The following ZCCHC7 variants were observed in gnomAD, a reference collection of about 807,000 sequenced individuals.
The protein encoded by ZCCHC7 is zinc finger CCHC-type containing 7, also known as zinc finger CCHC domain-containing protein 7.
Under a neutral mutation model 52.0 loss-of-function variants are expected in ZCCHC7, and 35 were observed. The observed-to-expected ratio is 0.67, with a 90% CI of 0.51 to 0.89. The LOEUF (loss-of-function observed/expected upper bound fraction) is 0.89, where lower values mean the gene tolerates loss of function less well. Ranked by LOEUF, ZCCHC7 falls within the 40% of genes least tolerant of loss-of-function variation. The pLI, the probability that ZCCHC7 is intolerant of heterozygous loss-of-function variation, is 0.00. For synonymous variants in ZCCHC7, 217 were observed against 221.5 expected, an observed-to-expected ratio of 0.98 and a Z score of 0.18; for missense variants, 574 against 649.1, an observed-to-expected ratio of 0.88 and a Z score of 1.26.
chr9:37,240,656 G>A (rs1825834869), intron 2 of ZCCHC7, among the ~76,000 whole-genome samples: 1 of 151,896 alleles, frequency 6.6e-6, no homozygotes, highest in Non-Finnish European at 1.5e-5. Context: ...TTTAAATAGG[G>A]AAAATCTGAC....
intron 2 of ZCCHC7, among the ~76,000 whole-genome samples, chr9:37,298,835 A>T (rs535869742): frequency 6.6e-6 from 1 of 152,226 alleles, no homozygotes; most frequent in Non-Finnish European, 1.5e-5. Context: ...TCTCCCTAAA[A>T]TTGAGGTATT....
intron 5 of ZCCHC7, among the ~76,000 whole-genome samples, chr9:37,317,036 G>A (rs983783067): frequency 6.6e-6 from 1 of 152,102 alleles, no homozygotes; most frequent in Non-Finnish European, 1.5e-5. Flanking sequence ...CAGATAATGT[G>A]AATAGAGAAG....
chr9:37,176,821 C>T (rs939082940), intron 2 of ZCCHC7, among the ~76,000 whole-genome samples: 3 of 152,008 alleles, frequency 2.0e-5, no homozygotes, highest in Non-Finnish European at 2.9e-5. Context: ...GAAGATATAT[C>T]GGAAATGGAA....
intron 2 of ZCCHC7, chr9:37,205,188 A>G: frequency 2.6e-6 from 1 of 379,150 alleles, no homozygotes. Flanking sequence ...TTTGTTTACA[A>G]CAATGCCAAC....
intron 2 of ZCCHC7, among the ~76,000 whole-genome samples, chr9:37,280,220 A>AT (rs1157353453): frequency 6.6e-6 from 1 of 152,188 alleles, no homozygotes; most frequent in African/African-American, 2.4e-5. Context: ...TTCAAAATAG[A>AT]TAAAAACAAA....
chr9:37,321,712 G>A (rs1163240315), intron 5 of ZCCHC7, among the ~76,000 whole-genome samples: 1 of 152,144 alleles, frequency 6.6e-6, no homozygotes, highest in Non-Finnish European at 1.5e-5. Context: ...GCTGCAGGGA[G>A]CTATGATTAC....
At chr9:37,132,389 ATGT>A (rs1302294613) in intron 2 of ZCCHC7, among the ~76,000 whole-genome samples, 18 of 152,338 alleles carry the variant, frequency 1.2e-4, no homozygotes, top group Non-Finnish European at 1.9e-4. Flanking sequence ...CAAAAATAAA[ATGT>A]TATAATTGAC....
intron 2 of ZCCHC7, among the ~76,000 whole-genome samples, chr9:37,280,258 T>C (rs7870668): frequency 3.2e-4 from 48 of 152,280 alleles, no homozygotes; most frequent in African/African-American, 1.2e-3. Context: ...GATCTCCTCA[T>C]CATAGAGAAG....
chr9:37,124,755 A>T (rs1335141998), intron 1 of ZCCHC7, among the ~76,000 whole-genome samples: 1 of 152,256 alleles, frequency 6.6e-6, no homozygotes, highest in Admixed American at 6.5e-5. Context: ...TTCACTTTAC[A>T]CATTTATTCC....
chr9:37,267,012 T>TGA (rs942891566), intron 2 of ZCCHC7, among the ~76,000 whole-genome samples: 3 of 151,966 alleles, frequency 2.0e-5, no homozygotes, highest in East Asian at 1.9e-4. Flanking sequence ...AATGTTATAT[T>TGA]GAGAGAGAGA....
At chr9:37,133,000 G>A (rs1842855551) in intron 2 of ZCCHC7, among the ~76,000 whole-genome samples, 1 of 152,158 alleles carries the variant, frequency 6.6e-6, no homozygotes, top group South Asian at 2.1e-4. Context: ...AGCCCAGTGT[G>A]GTGGTGTGCA....
chr9:37,141,296 AT>A (rs201295350), intron 2 of ZCCHC7, among the ~76,000 whole-genome samples: 7,702 of 149,378 alleles, frequency 0.052, 632 homozygotes, highest in African/African-American at 0.18. Context: ...AAAAAGGGGA[AT>A]TTTTTTTTTT....
intron 7 of ZCCHC7, among the ~76,000 whole-genome samples, chr9:37,352,683 T>A (rs1821461995): frequency 1.3e-5 from 1 of 79,380 alleles, no homozygotes; most frequent in South Asian, 3.4e-4. Context: ...CACCTGGCTA[T>A]TTTTTTTTTT....
intron 5 of ZCCHC7, among the ~76,000 whole-genome samples, chr9:37,325,841 AAAG>A (rs774518622): frequency 2.0e-5 from 3 of 152,338 alleles, no homozygotes; most frequent in Admixed American, 1.3e-4. Context: ...TAATAAATGA[AAAG>A]AAGTTTCATG....
intron 2 of ZCCHC7, among the ~76,000 whole-genome samples, chr9:37,203,772 G>T (rs1055887957): frequency 6.6e-6 from 1 of 152,106 alleles, no homozygotes; most frequent in African/African-American, 2.4e-5. Flanking sequence ...AAACATATGT[G>T]TGCCTGCATG....
intron 2 of ZCCHC7, among the ~76,000 whole-genome samples, chr9:37,135,282 T>C (rs1842952978): frequency 6.6e-6 from 1 of 152,228 alleles, no homozygotes. Flanking sequence ...TGTTACAGTC[T>C]TAAAATATAT....
At chr9:37,190,770 G>A (rs952671026) in intron 2 of ZCCHC7, among the ~76,000 whole-genome samples, 2 of 152,206 alleles carry the variant, frequency 1.3e-5, no homozygotes, top group Non-Finnish European at 2.9e-5. Context: ...GTAAATCCCA[G>A]CACTTTGGGA....
chr9:37,341,851 A>G (rs1032294456), intron 6 of ZCCHC7, among the ~76,000 whole-genome samples: 1 of 152,138 alleles, frequency 6.6e-6, no homozygotes, highest in African/African-American at 2.4e-5. Context: ...TGTCTGGGGT[A>G]TTCAGAGAAC....
Position 37,296,584 on chromosome 9 carries a change from C to CT in ZCCHC7, c.611-5591dup, listed in dbSNP as rs879621006. On this transcript the variant is annotated intron_variant, in intron 2 of 8. Coordinates refer to ENST00000336755, the MANE Select transcript of ZCCHC7 (RefSeq NM_032226.3). ...TACAGGTATATACCAGCTATTGTTT[C>CT]TTTTTTTTTTTTTCCGAATCTCTAA... 6.6e-3 allele frequency among the ~76,000 whole-genome samples: 937 copies of CT among 141,160 alleles called. 6 individuals carry two copies. Among genetic ancestry groups the CT allele is most frequent in the African/African-American group, 0.018 (700 of 38,776 alleles). The allele number at this position is 141,160 out of a possible 152,430, so 92.6% of individuals were successfully genotyped here.
Sources: gnomAD v4.1 joint callset for allele counts (sites outside exome capture counted in the v4.1 genomes callset) on GRCh38, gnomAD v4.1.1 for gene constraint, MANE v1.5 for transcripts, NCBI Gene and HGNC (gene_info 2026-07-23, HGNC 2026-07-21) for gene names.